The following PDS5B variants were observed in gnomAD, a reference collection of about 807,000 sequenced individuals.
PDS5B encodes the protein PDS5 cohesin associated factor B.
PDS5B carries 51 observed loss-of-function variants against 184.1 expected under a neutral mutation model. That is an observed-to-expected ratio of 0.28 (90% CI 0.22 to 0.35). The LOEUF (loss-of-function observed/expected upper bound fraction) is 0.35, where lower values mean the gene tolerates loss of function less well. PDS5B is among the 10% of genes least tolerant of loss of function. The probability of loss-of-function intolerance (pLI) is 1.00; values close to 1 mark genes in which losing one functional copy is unlikely to be tolerated. For synonymous variants in PDS5B, 566 were observed against 569.2 expected, an observed-to-expected ratio of 0.99 and a Z score of 0.08; for missense variants, 1,180 against 1,723.3, an observed-to-expected ratio of 0.68 and a Z score of 5.58.
At chr13:32,721,309 A>C (rs1181493301) in intron 19 of PDS5B, among the ~76,000 whole-genome samples, 3 of 122,812 alleles carry the variant, frequency 2.4e-5, no homozygotes, top group Admixed American at 7.9e-5. Flanking sequence ...CGGGCGGGGG[A>C]ACCCCCCACC....
chr13:32,648,616 T>A (rs1221827358), intron 1 of PDS5B, 138 bp from the exon 2 acceptor site: 2 of 542,358 alleles, frequency 3.7e-6, no homozygotes, highest in Non-Finnish European at 6.5e-6. Flanking sequence ...AGAGTGATTT[T>A]CATTAAATGG....
intron 9 of PDS5B, among the ~76,000 whole-genome samples, chr13:32,677,232 T>G (rs1951096411): frequency 6.6e-6 from 1 of 152,020 alleles, no homozygotes; most frequent in South Asian, 2.1e-4. Context: ...GGAAAGTTTT[T>G]AGACAGTAGG....
At chr13:32,732,001 C>A in intron 19 of PDS5B, 100 bp from the exon 20 acceptor site, 2 of 975,018 alleles carry the variant, frequency 2.1e-6, no homozygotes, top group South Asian at 1.8e-5. Context: ...CTTTTTCTGA[C>A]CTTGTAAATC....
intron 24 of PDS5B, among the ~76,000 whole-genome samples, chr13:32,753,073 T>C (rs1003872825): frequency 1.3e-4 from 20 of 152,350 alleles, no homozygotes; most frequent in African/African-American, 4.6e-4. Context: ...AGGGCAGATT[T>C]ATATTTACTA....
At chr13:32,747,906 A>G (rs1953817672) in intron 24 of PDS5B, among the ~76,000 whole-genome samples, 2 of 152,354 alleles carry the variant, frequency 1.3e-5, no homozygotes, top group South Asian at 2.1e-4. Context: ...TGTGCCAGCC[A>G]TTAGGTAAAT....
At chr13:32,672,782 C>T (rs1336282958) in intron 7 of PDS5B, among the ~76,000 whole-genome samples, 3 of 152,198 alleles carry the variant, frequency 2.0e-5, no homozygotes, top group Non-Finnish European at 2.9e-5. Context: ...ATACTGAGGG[C>T]AGATCTTTCC....
intron 1 of PDS5B, among the ~76,000 whole-genome samples, chr13:32,599,368 A>G (rs1472772429): frequency 1.3e-5 from 2 of 151,660 alleles, no homozygotes; most frequent in Non-Finnish European, 2.9e-5. Context: ...GATTCAAGCA[A>G]TTCTCCTGCC....
intron 19 of PDS5B, among the ~76,000 whole-genome samples, chr13:32,713,574 A>G (rs537694763): frequency 6.6e-6 from 1 of 152,320 alleles, no homozygotes; most frequent in South Asian, 2.1e-4. Context: ...AGAATAAACA[A>G]TGTGGAAGAT....
chr13:32,713,150 C>T (rs894312165), intron 19 of PDS5B, among the ~76,000 whole-genome samples: 2 of 152,188 alleles, frequency 1.3e-5, no homozygotes, highest in Non-Finnish European at 2.9e-5. Flanking sequence ...AGAAAAAGGA[C>T]TTACTACCTT....
intron 18 of PDS5B, among the ~76,000 whole-genome samples, chr13:32,709,405 A>G (rs1354115638): frequency 1.3e-5 from 2 of 152,016 alleles, no homozygotes; most frequent in African/African-American, 4.8e-5. Context: ...ATCTCTTACA[A>G]TTTATATAAT....
intron 20 of PDS5B, among the ~76,000 whole-genome samples, chr13:32,734,254 T>G (rs1953237973): frequency 6.6e-6 from 1 of 152,132 alleles, no homozygotes; most frequent in African/African-American, 2.4e-5. Context: ...CTCGAACTCC[T>G]GACCTCAGGT....
intron 6 of PDS5B, among the ~76,000 whole-genome samples, chr13:32,666,969 CAATG>C (rs1950814221): frequency 6.6e-6 from 1 of 151,632 alleles, no homozygotes; most frequent in Non-Finnish European, 1.5e-5. Flanking sequence ...AATTTAATGT[CAATG>C]AATAGGACAA....
chr13:32,677,031 A>G (rs1484192937), intron 9 of PDS5B, among the ~76,000 whole-genome samples: 1 of 151,340 alleles, frequency 6.6e-6, no homozygotes, highest in East Asian at 1.9e-4. Flanking sequence ...TTACATTTTA[A>G]TGAAAACTGT....
chr13:32,725,518 A>C lies in PDS5B; in HGVS notation c.2124-6583A>C, dbSNP rs376458201. 5.6e-4 allele frequency among the ~76,000 whole-genome samples: 85 copies of C among 152,262 alleles called. No homozygotes were observed. The South Asian group carries it at 0.016, about 29-fold the overall frequency. ...TCTCCGAGGGGCTCTGGTTCCTTTT[A>C]ATGGGAATGGTATTAAGAAATTACA... On this transcript the variant is annotated intron_variant, in intron 19 of 34. Transcript: ENST00000315596.
At chr13:32,631,360 T>C (rs1404428079) in intron 1 of PDS5B, among the ~76,000 whole-genome samples, 1 of 152,152 alleles carries the variant, frequency 6.6e-6, no homozygotes, top group Non-Finnish European at 1.5e-5. Context: ...CCCAAAGTGT[T>C]AGGATTACAG....
chr13:32,593,457 C>T (rs1281946539), intron 1 of PDS5B, among the ~76,000 whole-genome samples: 6 of 152,216 alleles, frequency 3.9e-5, no homozygotes, highest in South Asian at 4.1e-4. Context: ...TCTCATGTCT[C>T]AGCCTCTGGA....
At chr13:32,758,003 T>G in intron 26 of PDS5B, 84 bp from the exon 27 acceptor site, 1 of 552,872 alleles carries the variant, frequency 1.8e-6, no homozygotes, top group Non-Finnish European at 2.9e-6. Context: ...AGGTTTGTTA[T>G]ATTTATATTT....
intron 11 of PDS5B, among the ~76,000 whole-genome samples, chr13:32,684,546 A>G (rs1951333587): frequency 1.3e-5 from 2 of 152,230 alleles, no homozygotes; most frequent in Admixed American, 6.5e-5. Context: ...AGTACCCACT[A>G]GCTCCACTCA....
chr13:32,705,945 G>A (rs1951997154), intron 17 of PDS5B, among the ~76,000 whole-genome samples: 1 of 152,042 alleles, frequency 6.6e-6, no homozygotes, highest in Non-Finnish European at 1.5e-5. Context: ...GTGTTTACAG[G>A]AGTGAGCCAC....
Sources: allele counts gnomAD v4.1 joint callset (sites outside exome capture counted in the v4.1 genomes callset), GRCh38; gene constraint gnomAD v4.1.1; transcripts MANE v1.5; gene names NCBI Gene and HGNC (gene_info 2026-07-23, HGNC 2026-07-21).